Variants in SH3KBP1 observed in about 807,000 individuals in gnomAD.
The protein encoded by SH3KBP1 is SH3 domain-containing kinase-binding protein 1.
In SH3KBP1, 8 loss-of-function variants were observed where a neutral mutation model predicts 50.1. That is an observed-to-expected ratio of 0.16 (90% CI 0.09 to 0.29). The LOEUF is 0.29. SH3KBP1 is among the 10% of genes least tolerant of loss of function. The pLI is 1.00. For missense variants in SH3KBP1, 377 were observed against 535.2 expected, an observed-to-expected ratio of 0.70 and a Z score of 2.92; for synonymous variants, 227 against 218.6, an observed-to-expected ratio of 1.04 and a Z score of -0.34.
chrX:19,801,964 G>C (rs1432708311), intron 2 of SH3KBP1, among the ~76,000 whole-genome samples: 2 of 111,124 alleles, frequency 1.8e-5, no homozygotes, highest in African/African-American at 6.6e-5. Context: ...TGTAATCCCA[G>C]CTACTTGGGA....
chrX:19,802,623 C>T (rs1243841934), intron 2 of SH3KBP1, among the ~76,000 whole-genome samples: 1 of 111,044 alleles, frequency 9.0e-6, no homozygotes, highest in African/African-American at 3.3e-5. Flanking sequence ...ACTCATCAAG[C>T]TGTAGGCCTC....
intron 2 of SH3KBP1, among the ~76,000 whole-genome samples, chrX:19,817,483 C>T (rs867174379): frequency 6.3e-5 from 7 of 111,866 alleles, no homozygotes; most frequent in Non-Finnish European, 1.3e-4. Context: ...TCAGCATGCA[C>T]ATCCTGTACA....
At chrX:19,726,620 G>A (rs999544344) in intron 3 of SH3KBP1, among the ~76,000 whole-genome samples, 2 of 110,537 alleles carry the variant, frequency 1.8e-5, no homozygotes, top group African/African-American at 6.6e-5. Flanking sequence ...CTGGGGTTTT[G>A]TAGTAATTTG....
At chrX:19,863,824 C>A (rs772845758) in intron 1 of SH3KBP1, among the ~76,000 whole-genome samples, 29 of 112,026 alleles carry the variant, frequency 2.6e-4, no homozygotes, top group Non-Finnish European at 4.3e-4. Context: ...TTTAGCCCAG[C>A]GTCTAAGTTG....
At chrX:19,591,623 G>T (rs1317617162) in intron 11 of SH3KBP1, among the ~76,000 whole-genome samples, 2 of 111,899 alleles carry the variant, frequency 1.8e-5, no homozygotes, top group Non-Finnish European at 3.8e-5. Context: ...CCAAAGAAAA[G>T]AGCTTTCATT....
intron 12 of SH3KBP1, among the ~76,000 whole-genome samples, chrX:19,578,040 C>T (rs777440457): frequency 3.6e-5 from 4 of 112,271 alleles, no homozygotes; most frequent in Admixed American, 2.8e-4. Flanking sequence ...ACACACCACA[C>T]ATCCTCTATT....
At chrX:19,648,589 T>C (rs1254617307) in intron 6 of SH3KBP1, among the ~76,000 whole-genome samples, 1 of 111,587 alleles carries the variant, frequency 9.0e-6, no homozygotes, top group African/African-American at 3.3e-5. Context: ...CTCATGACTG[T>C]ATGAGCCTTC....
At chrX:19,703,319 GT>G (rs982324994) in intron 4 of SH3KBP1, among the ~76,000 whole-genome samples, 5 of 109,208 alleles carry the variant, frequency 4.6e-5, no homozygotes, top group African/African-American at 1.7e-4. Context: ...TGATCTGAAT[GT>G]TTAAAAAAAA....
intron 1 of SH3KBP1, among the ~76,000 whole-genome samples, chrX:19,858,725 T>C (rs2068714263): frequency 8.9e-6 from 1 of 112,152 alleles, no homozygotes; most frequent in Non-Finnish European, 1.9e-5. Context: ...ATCATCACAC[T>C]CCATATAGAT....
At chrX:19,630,220 C>T (rs1210672478) in intron 8 of SH3KBP1, among the ~76,000 whole-genome samples, 2 of 111,901 alleles carry the variant, frequency 1.8e-5, no homozygotes, top group African/African-American at 6.5e-5. Flanking sequence ...GCTAGTGAGT[C>T]CCCCGCTCCC....
chrX:19,653,325 C>G (rs1345021406), intron 6 of SH3KBP1, among the ~76,000 whole-genome samples: 1 of 111,651 alleles, frequency 9.0e-6, no homozygotes, highest in Non-Finnish European at 1.9e-5. Flanking sequence ...TCCCCAGATT[C>G]CATCTTCTTC....
intron 6 of SH3KBP1, among the ~76,000 whole-genome samples, chrX:19,650,809 C>A (rs938019069): frequency 1.8e-5 from 2 of 111,569 alleles, no homozygotes; most frequent in Non-Finnish European, 3.8e-5. Flanking sequence ...AAAGCAAACA[C>A]TGAAACTGCA....
chrX:19,543,314 G>A (rs1185916392), intron 15 of SH3KBP1, among the ~76,000 whole-genome samples: 2 of 112,030 alleles, frequency 1.8e-5, no homozygotes, highest in African/African-American at 6.5e-5. Context: ...ACAGCAGACT[G>A]AAGAATCAGA....
At chrX:19,774,391 G>C (rs186377841) in intron 2 of SH3KBP1, among the ~76,000 whole-genome samples, 1 of 110,978 alleles carries the variant, frequency 9.0e-6, no homozygotes. Context: ...AACCTAAGCC[G>C]CCGGGCGCGG....
Position 19,588,801 on chromosome X carries a change from T to C in SH3KBP1, c.1140A>G (p.Glu380=). The change falls in exon 12 of 18, where the codon GAA becomes GAG. Residue 380 remains glutamate, a splice_region_variant and synonymous_variant. Transcript: ENST00000397821. ...EMLPNRTEEK[E]RPEREPKLDL... is the part of the protein sequence containing the mutation. ...CCAGTTTTGGCTCTCTCTCTGGTCTTTCTTTAAATCATTGTTTAAAGAAAA... is the reference window on the plus strand; with the variant it reads ...CCAGTTTTGGCTCTCTCTCTGGTCTCTCTTTAAATCATTGTTTAAAGAAAA... 3.5e-6 allele frequency: 4 copies of C among 1,138,729 alleles called. No individual in the cohort carries two copies. The highest frequency in any genetic ancestry group is 4.7e-6 in the Non-Finnish European group (4 of 858,452). 93.8% of individuals were successfully genotyped at this position (1,138,729 alleles called of 1,213,427 possible). A position where few individuals can be genotyped will look rare whatever the true frequency, so the allele number is the denominator to read the frequency against.
intron 6 of SH3KBP1, among the ~76,000 whole-genome samples, chrX:19,654,166 A>G (rs903585801): frequency 1.8e-5 from 2 of 111,797 alleles, no homozygotes; most frequent in Admixed American, 9.5e-5. Flanking sequence ...GCCAAATTCT[A>G]TCATTTATCA....
In SH3KBP1 at chrX:19,536,051, T is replaced by C. The variant is rs1331960909; in HGVS notation, c.*366A>G. 1.6e-5 allele frequency: 2 copies of C among 125,763 alleles called. No homozygotes were observed. Among genetic ancestry groups the C allele is most frequent in the South Asian group, 3.4e-4 (1 of 2,901 alleles). The allele number at this position is 125,763 out of a possible 1,213,427, so 10.4% of individuals were successfully genotyped here. ...ACACGATTAAAAAATCATAAAATTA[T>C]AAAGCTTGTAAACGAATAATCTGAA... On this transcript the variant is annotated 3_prime_UTR_variant, in exon 18 of 18. Coordinates refer to ENST00000397821, the MANE Select transcript of SH3KBP1 (RefSeq NM_031892.3).
At chrX:19,556,159 G>A (rs755074067) in intron 13 of SH3KBP1, among the ~76,000 whole-genome samples, 6 of 112,158 alleles carry the variant, frequency 5.3e-5, no homozygotes, top group Admixed American at 1.9e-4. Context: ...TTATTCTTTC[G>A]TAAATGAGAG....
chrX:19,667,095 A>G (rs1046693574), intron 6 of SH3KBP1, among the ~76,000 whole-genome samples: 2 of 112,540 alleles, frequency 1.8e-5, no homozygotes, highest in Admixed American at 9.4e-5. Flanking sequence ...TAAGTCAGTC[A>G]TAAGAGGACA....
Sources: gnomAD v4.1 joint callset for allele counts (sites outside exome capture counted in the v4.1 genomes callset) on GRCh38, gnomAD v4.1.1 for gene constraint, MANE v1.5 for transcripts, NCBI Gene and HGNC (gene_info 2026-07-23, HGNC 2026-07-21) for gene names.